DGAT2L6: variants seen among roughly 807,000 people sequenced by gnomAD.
The protein encoded by DGAT2L6 is diacylglycerol O-acyltransferase 2 like 6, also known as diacylglycerol O-acyltransferase 2-like protein 6.
A neutral mutation model predicts 25.5 loss-of-function variants in DGAT2L6; 22 were observed. That is an observed-to-expected ratio of 0.86 (90% CI 0.62 to 1.23). The LOEUF is 1.23. Among genes scored for constraint, DGAT2L6 ranks in the 50% most tolerant of loss-of-function variants. DGAT2L6 has a pLI of 0.00. For synonymous variants in DGAT2L6, 100 were observed against 94.7 expected (o/e 1.06, Z -0.32); for missense variants, 287 against 253.2 (o/e 1.13, Z -0.91).
chrX:70,203,108 C>G (rs141507809), intron 5 of DGAT2L6, among the ~76,000 whole-genome samples: 55 of 112,304 alleles, frequency 4.9e-4, no homozygotes, highest in African/African-American at 1.7e-3. Flanking sequence ...GCTCAAATGT[C>G]TCTTCTCAAT....
chrX:70,199,848 T>A lies in DGAT2L6; in HGVS notation c.233T>A (p.Leu78Gln). 3 of 1,211,314 alleles carry A rather than the reference T, an allele frequency of 2.5e-6. No homozygotes were observed. The highest frequency in any genetic ancestry group is 3.4e-6 in the Non-Finnish European group (3 of 895,361). The part of the protein sequence containing the change: ...RRSAWVRNWT[L>Q]WKYFRNYFPV... The stretch of plus-strand genomic sequence containing the variant: ...TCAGCTTGGGTACGAAACTGGACCC[T>A]ATGGAAGTATTTCCGAAATTACTTC... The change falls in exon 3 of 7, where the codon CTA becomes CAA. Residue 78 changes from leucine to glutamine, a missense_variant. Transcript: ENST00000333026.
chrX:70,200,565 A>T, intron 4 of DGAT2L6, 106 bp downstream of exon 4: 1 of 763,222 alleles, frequency 1.3e-6, no homozygotes. Flanking sequence ...GATAGAAAAT[A>T]AGTCCAGGAC....
intron 6 of DGAT2L6, 40 bp from the exon 7 acceptor site, chrX:70,204,912 G>C: frequency 8.8e-7 from 1 of 1,141,315 alleles, no homozygotes; most frequent in African/African-American, 1.8e-5. Flanking sequence ...TTTGAGTTGA[G>C]GGGGGAACTC....
chrX:70,180,067 A>G (rs1414687624), intron 1 of DGAT2L6, among the ~76,000 whole-genome samples: 1 of 110,680 alleles, frequency 9.0e-6, no homozygotes, highest in African/African-American at 3.3e-5. Context: ...ATGCCCCTTT[A>G]CCCCCAAATC....
chrX:70,205,273 C>T lies in DGAT2L6; in HGVS notation c.*167C>T. ...CAGAGTTCTAGCAATAGAGTCCTCT[C>T]CCAAGTGGCTGAGGCAGGCTTAGGG... On this transcript the variant is annotated 3_prime_UTR_variant, in exon 7 of 7. Transcript: ENST00000333026. 4 of 607,504 alleles carry T rather than the reference C, an allele frequency of 6.6e-6. No individual in the cohort carries two copies. Among genetic ancestry groups the T allele is most frequent in the Non-Finnish European group, 9.0e-6 (4 of 442,038 alleles). 50.1% of individuals were successfully genotyped at this position (607,504 alleles called of 1,213,427 possible).
At chrX:70,193,575 G>A (rs918727811) in intron 1 of DGAT2L6, among the ~76,000 whole-genome samples, 2 of 111,817 alleles carry the variant, frequency 1.8e-5, no homozygotes, top group Non-Finnish European at 3.8e-5. Context: ...TTTATCCCTG[G>A]GATGCAGGGG....
chrX:70,199,764 G>A lies in DGAT2L6; in HGVS notation c.197-48G>A, dbSNP rs1255182842. On this transcript the variant is annotated intron_variant, in intron 2 of 6. Coordinates refer to ENST00000333026, the MANE Select transcript of DGAT2L6 (RefSeq NM_198512.3). ...ACTCTCCTCCTCTGGGAGAGGTAGAGGGACTGCAATGCCCTGTGTACTCTT... is the reference window on the plus strand; with the variant it reads ...ACTCTCCTCCTCTGGGAGAGGTAGAAGGACTGCAATGCCCTGTGTACTCTT... The A allele has an allele frequency of 2.6e-6, 3 of 1,145,227 alleles. No homozygotes were observed. In the East Asian group the frequency reaches 9.0e-5, roughly 34 times the overall value. The allele number at this position is 1,145,227 out of a possible 1,213,427, so 94.4% of individuals were successfully genotyped here. A position where few individuals can be genotyped will look rare whatever the true frequency, so the allele number is the denominator to read the frequency against.
At chrX:70,203,945 G>T (rs1038256300) in intron 5 of DGAT2L6, among the ~76,000 whole-genome samples, 4 of 109,648 alleles carry the variant, frequency 3.6e-5, no homozygotes, top group Non-Finnish European at 7.6e-5. Context: ...AGGAGGGAAG[G>T]CTAGAGCAAA....
At position 70,204,527 on chromosome X, in the gene DGAT2L6, C is replaced by T. The variant is rs1282163212; in HGVS notation, c.859+11C>T. 4.1e-6 allele frequency: 5 copies of T among 1,205,083 alleles called. No individual in the cohort carries two copies. In the East Asian group the frequency reaches 1.2e-4, roughly 29 times the overall value. ...CCATTACCACTGTTGGTGAGCTTTC[C>T]CTTATCTCCGGATGACCTGTTTCTT... On this transcript the variant is annotated intron_variant, in intron 6 of 6. Coordinates refer to ENST00000333026, the MANE Select transcript of DGAT2L6 (RefSeq NM_198512.3).
chrX:70,179,863 C>T (rs1402432727), intron 1 of DGAT2L6, among the ~76,000 whole-genome samples: 3 of 110,596 alleles, frequency 2.7e-5, no homozygotes, highest in Non-Finnish European at 3.8e-5. Flanking sequence ...TGAGCCACCG[C>T]GCCGGGCCGA....
intron 1 of DGAT2L6, among the ~76,000 whole-genome samples, chrX:70,197,661 A>AACAC (rs2085396147): frequency 8.9e-6 from 1 of 112,704 alleles, no homozygotes; most frequent in Admixed American, 9.4e-5. Flanking sequence ...ACTGTGTGCC[A>AACAC]AGCTCTCTTC....
chrX:70,198,180 CCT>C (rs2085397610), intron 1 of DGAT2L6, among the ~76,000 whole-genome samples: 1 of 111,967 alleles, frequency 8.9e-6, no homozygotes, highest in Non-Finnish European at 1.9e-5. Flanking sequence ...ATACTTAGCC[CCT>C]CTTTCTCATG....
intron 1 of DGAT2L6, 69 bp from the exon 2 acceptor site, chrX:70,199,202 C>T: frequency 1.4e-6 from 1 of 690,439 alleles, no homozygotes; most frequent in Non-Finnish European, 2.2e-6. Context: ...AGAGCAGAGG[C>T]CGGGGTTATG....
At chrX:70,193,225 C>T (rs997287216) in intron 1 of DGAT2L6, among the ~76,000 whole-genome samples, 1 of 107,374 alleles carries the variant, frequency 9.3e-6, no homozygotes, top group African/African-American at 3.4e-5. Context: ...GGCTGAGGCA[C>T]GAGAATTGCT....
At chrX:70,197,377 C>G (rs759617044) in intron 1 of DGAT2L6, among the ~76,000 whole-genome samples, 8 of 111,664 alleles carry the variant, frequency 7.2e-5, no homozygotes, top group Non-Finnish European at 1.3e-4. Context: ...AAAAACGTTC[C>G]TCGTCTCCTG....
intron 1 of DGAT2L6, 82 bp downstream of exon 1, chrX:70,177,749 G>A: frequency 1.2e-6 from 1 of 865,000 alleles, no homozygotes; most frequent in Non-Finnish European, 1.7e-6. Context: ...GGGTTCCAAA[G>A]AGATCATCTG....
At chrX:70,204,195 G>C (rs761465643) in intron 5 of DGAT2L6, 110 bp from the exon 6 acceptor site, 10 of 585,022 alleles carry the variant, frequency 1.7e-5, no homozygotes, top group Non-Finnish European at 2.7e-5. Context: ...ATGTTTGGGT[G>C]CTTGGGTTCT....
chrX:70,185,963 C>A (rs1377392466), intron 1 of DGAT2L6, among the ~76,000 whole-genome samples: 1 of 109,737 alleles, frequency 9.1e-6, no homozygotes, highest in East Asian at 2.8e-4. Context: ...AGGTCATTGC[C>A]CCGAAACATG....
intron 1 of DGAT2L6, among the ~76,000 whole-genome samples, chrX:70,192,560 T>C (rs976948862): frequency 8.0e-5 from 9 of 111,831 alleles, no homozygotes; most frequent in Non-Finnish European, 1.3e-4. Flanking sequence ...GTCACTTATG[T>C]TAGAGTTAAA....
Sources: gnomAD v4.1 joint callset for allele counts (sites outside exome capture counted in the v4.1 genomes callset) on GRCh38, gnomAD v4.1.1 for gene constraint, MANE v1.5 for transcripts, NCBI Gene and HGNC (gene_info 2026-07-23, HGNC 2026-07-21) for gene names.